GRK5: variants seen among roughly 807,000 people sequenced by gnomAD.
GRK5 encodes the protein G protein-coupled receptor kinase 5, also known as g protein-coupled receptor kinase GRK5.
A neutral mutation model predicts 78.4 loss-of-function variants in GRK5; 40 were observed. That is an observed-to-expected ratio of 0.51 (90% CI 0.40 to 0.66). GRK5 has a LOEUF of 0.66. Ranked by LOEUF, GRK5 falls within the 30% of genes least tolerant of loss-of-function variation. The probability of loss-of-function intolerance (pLI) is 0.00; values close to 1 mark genes in which losing one functional copy is unlikely to be tolerated. For synonymous variants in GRK5, 289 were observed against 296.8 expected (o/e 0.97, Z 0.27); for missense variants, 598 against 759.9 (o/e 0.79, Z 2.50).
At chr10:119,339,992 G>A (rs150820118) in intron 2 of GRK5, among the ~76,000 whole-genome samples, 124 of 152,314 alleles carry the variant, frequency 8.1e-4, no homozygotes, top group African/African-American at 2.9e-3. Flanking sequence ...AGCTGTGGCC[G>A]TTTCCAGCCA....
chr10:119,289,849 A>G (rs1849918763), intron 1 of GRK5, among the ~76,000 whole-genome samples: 1 of 152,218 alleles, frequency 6.6e-6, no homozygotes, highest in Non-Finnish European at 1.5e-5. Flanking sequence ...AGGGAGGTCA[A>G]ACACCTATGT....
At chr10:119,298,808 C>T (rs1850126018) in intron 1 of GRK5, among the ~76,000 whole-genome samples, 1 of 152,186 alleles carries the variant, frequency 6.6e-6, no homozygotes, top group South Asian at 2.1e-4. Flanking sequence ...AGCCTTTGCA[C>T]ATGCTGTTCC....
intron 10 of GRK5, among the ~76,000 whole-genome samples, chr10:119,440,277 G>T (rs1011869449): frequency 1.3e-5 from 2 of 152,052 alleles, no homozygotes; most frequent in Non-Finnish European, 2.9e-5. Flanking sequence ...TTACGTTTGT[G>T]CATTACCATC....
At chr10:119,303,555 G>T (rs565657265) in intron 1 of GRK5, among the ~76,000 whole-genome samples, 1 of 152,180 alleles carries the variant, frequency 6.6e-6, no homozygotes, top group Admixed American at 6.5e-5. Context: ...TAGTGGTTGT[G>T]GGGGAGTCAC....
chr10:119,366,056 G>T (rs1056192624), intron 2 of GRK5, among the ~76,000 whole-genome samples: 3 of 152,152 alleles, frequency 2.0e-5, no homozygotes, highest in African/African-American at 7.2e-5. Context: ...CTCCAAGTCG[G>T]GTCCACCCCA....
intron 2 of GRK5, among the ~76,000 whole-genome samples, chr10:119,372,175 A>G (rs1249054495): frequency 6.6e-6 from 1 of 152,190 alleles, no homozygotes; most frequent in Non-Finnish European, 1.5e-5. Flanking sequence ...TAGGATTCAG[A>G]CCCAAGCCTG....
intron 1 of GRK5, among the ~76,000 whole-genome samples, chr10:119,286,275 A>G (rs1022040431): frequency 6.6e-6 from 1 of 152,266 alleles, no homozygotes; most frequent in Non-Finnish European, 1.5e-5. Flanking sequence ...GCTCACTGTT[A>G]CAGTAATCCC....
At chr10:119,230,847 A>C (rs984182796) in intron 1 of GRK5, among the ~76,000 whole-genome samples, 8 of 150,788 alleles carry the variant, frequency 5.3e-5, no homozygotes, top group African/African-American at 1.7e-4. Flanking sequence ...AAAAAAAAAA[A>C]AAAAAAGAGC....
At position 119,311,202 on chromosome 10, in the gene GRK5, A is replaced by T. The variant is rs575817678; in HGVS notation, c.53-15314A>T. Reference sequence around the variant, plus strand: ...TCCTGCCTCGCCCATCTGTTTATCCATCCATCCATTCATCAGAGATTGATG... The same window carrying T: ...TCCTGCCTCGCCCATCTGTTTATCCTTCCATCCATTCATCAGAGATTGATG... On this transcript the variant is annotated intron_variant, in intron 1 of 15. Coordinates refer to ENST00000392870, the MANE Select transcript of GRK5 (RefSeq NM_005308.3). Among the ~76,000 whole-genome samples the T allele has an allele frequency of 5.9e-5, 9 of 152,248 alleles. 1 individual carries two copies. In the South Asian group the frequency reaches 1.5e-3, roughly 25 times the overall value.
At chr10:119,369,591 A>C (rs1183206990) in intron 2 of GRK5, among the ~76,000 whole-genome samples, 1 of 152,052 alleles carries the variant, frequency 6.6e-6, no homozygotes, top group East Asian at 1.9e-4. Flanking sequence ...ATTTGTAAAA[A>C]CTCAAAAATA....
chr10:119,313,696 TC>T (rs1397250247), intron 1 of GRK5, among the ~76,000 whole-genome samples: 1 of 152,036 alleles, frequency 6.6e-6, no homozygotes, highest in African/African-American at 2.4e-5. Flanking sequence ...TGGAAGGGTT[TC>T]CTGGGAGGGA....
rs67973033 is a variant in GRK5 at position 119,408,341 on chromosome 10, CAAAA to C, written c.339+11588_339+11591del. On this transcript the variant is annotated intron_variant, in intron 4 of 15. Transcript: ENST00000392870. ...TGGGTGACAGAGCAAAACCCTGTCTCAAAAAAAAAAAAAAAAAAAAAAGGCAGAA... is the reference window on the plus strand; with the variant it reads ...TGGGTGACAGAGCAAAACCCTGTCTCAAAAAAAAAAAAAAAAAAGGCAGAA... 1.6e-4 allele frequency among the ~76,000 whole-genome samples: 8 copies of C among 48,704 alleles called. 1 individual carries two copies. The South Asian group carries it at 4.1e-3, about 25-fold the overall frequency. The allele number at this position is 48,704 out of a possible 152,430, so 32.0% of individuals were successfully genotyped here. A position where few individuals can be genotyped will look rare whatever the true frequency, so the allele number is the denominator to read the frequency against.
intron 1 of GRK5, among the ~76,000 whole-genome samples, chr10:119,218,529 A>G (rs1372401966): frequency 6.6e-6 from 1 of 152,220 alleles, no homozygotes; most frequent in South Asian, 2.1e-4. Flanking sequence ...TAAGTGGCTG[A>G]TGCAGAAATG....
chr10:119,216,234 T>C, intron 1 of GRK5, among the ~76,000 whole-genome samples: 1 of 152,232 alleles, frequency 6.6e-6, no homozygotes, highest in Non-Finnish European at 1.5e-5. Flanking sequence ...CCTACTGTGT[T>C]TCTAAGAACT....
chr10:119,322,492 CTG>C (rs1281363399), intron 1 of GRK5, among the ~76,000 whole-genome samples: 1 of 152,258 alleles, frequency 6.6e-6, no homozygotes, highest in East Asian at 1.9e-4. Context: ...GCTAGCGACA[CTG>C]TGTCCGGCAC....
chr10:119,224,633 C>T (rs1411052779), intron 1 of GRK5, among the ~76,000 whole-genome samples: 2 of 152,058 alleles, frequency 1.3e-5, no homozygotes, highest in African/African-American at 2.4e-5. Flanking sequence ...AGGCTGGTCT[C>T]GAACTTCTGA....
chr10:119,346,066 G>A (rs1355722219), intron 2 of GRK5, among the ~76,000 whole-genome samples: 1 of 151,918 alleles, frequency 6.6e-6, no homozygotes, highest in African/African-American at 2.4e-5. Context: ...GCCATGGGGA[G>A]CAGGACTAGG....
In GRK5 at chr10:119,207,789, C is replaced by A; in HGVS notation, c.-129C>A. ...CTGAGAGCAGGAATAATGCGGTAGGCAAGGCGGGCTGCTGGCTCCCCCGGC... is the reference window on the plus strand; with the variant it reads ...CTGAGAGCAGGAATAATGCGGTAGGAAAGGCGGGCTGCTGGCTCCCCCGGC... On this transcript the variant is annotated 5_prime_UTR_variant, in exon 1 of 16. Coordinates refer to ENST00000392870, the MANE Select transcript of GRK5 (RefSeq NM_005308.3). The A allele has an allele frequency of 1.2e-6, 1 of 856,266 alleles. No individual in the cohort carries two copies. The highest frequency in any genetic ancestry group is 1.8e-5 in the South Asian group (1 of 56,022). 53.0% of individuals were successfully genotyped at this position (856,266 alleles called of 1,614,324 possible).
chr10:119,346,592 G>A (rs951396561), intron 2 of GRK5, among the ~76,000 whole-genome samples: 8 of 152,214 alleles, frequency 5.3e-5, no homozygotes, highest in Non-Finnish European at 1.0e-4. Context: ...AGTGGCCTGA[G>A]GTCTCTCTGG....
Sources: gnomAD v4.1 joint callset for allele counts (sites outside exome capture counted in the v4.1 genomes callset) on GRCh38, gnomAD v4.1.1 for gene constraint, MANE v1.5 for transcripts, NCBI Gene and HGNC (gene_info 2026-07-23, HGNC 2026-07-21) for gene names.